Variants in ELF1 observed in about 807,000 individuals in gnomAD.
ELF1 encodes ETS-related transcription factor Elf-1.
ELF1 carries 24 observed loss-of-function variants against 59.9 expected under a neutral mutation model. The ratio of observed to expected loss-of-function variants is 0.40; its 90% CI spans 0.29 to 0.56. The LOEUF is 0.56. Among genes scored for constraint, ELF1 ranks in the 20% least tolerant of loss-of-function variants. The pLI is 0.44. For missense variants in ELF1, 627 were observed against 742.2 expected, an observed-to-expected ratio of 0.84 and a Z score of 1.80; for synonymous variants, 248 against 266.2, an observed-to-expected ratio of 0.93 and a Z score of 0.67.
At chr13:40,935,557 G>A (rs1193346160) in intron 8 of ELF1, among the ~76,000 whole-genome samples, 3 of 152,144 alleles carry the variant, frequency 2.0e-5, no homozygotes, top group Non-Finnish European at 4.4e-5. Flanking sequence ...GCCCATTCAC[G>A]CAGGATACAG....
intron 3 of ELF1, among the ~76,000 whole-genome samples, chr13:40,958,045 G>A (rs976848530): frequency 5.3e-5 from 8 of 152,206 alleles, no homozygotes; most frequent in South Asian, 2.1e-4. Context: ...TTTCTTTTAC[G>A]AATAAAGATG....
chr13:41,009,557 G>A (rs976783618), intron 1 of ELF1, among the ~76,000 whole-genome samples: 4 of 152,146 alleles, frequency 2.6e-5, no homozygotes, highest in African/African-American at 9.7e-5. Flanking sequence ...CTGCCAATAT[G>A]ATGGATAAAA....
chr13:40,944,421 A>G (rs192062942), intron 5 of ELF1, among the ~76,000 whole-genome samples: 215 of 152,346 alleles, frequency 1.4e-3, no homozygotes, highest in South Asian at 6.8e-3. Flanking sequence ...GAAACTTCCC[A>G]AACTCTAGAA....
rs1210294443 is a variant in ELF1, at chr13:41,060,944, C to CGCCGCCGCCGCT, written c.-336_-335insAGCGGCGGCGGC. 9.1e-5 allele frequency: 24 copies of CGCCGCCGCCGCT among 265,086 alleles called. 3 individuals are homozygous for CGCCGCCGCCGCT. Among genetic ancestry groups the CGCCGCCGCCGCT allele is most frequent in the African/African-American group, 1.4e-4 (6 of 43,238 alleles). 16.4% of individuals were successfully genotyped at this position (265,086 alleles called of 1,614,324 possible). The stretch of plus-strand genomic sequence containing the variant: ...CCGCCGCCGCCGCCGCCGCCGCCGC[C>CGCCGCCGCCGCT]GCTGCTGCTGCCCACACGCTCCCGA... On this transcript the variant is annotated 5_prime_UTR_variant, in exon 1 of 2. Coordinates refer to the ELF1 transcript ENST00000405737.
At chr13:41,006,584 C>A (rs1262657991) in intron 1 of ELF1, among the ~76,000 whole-genome samples, 2 of 152,100 alleles carry the variant, frequency 1.3e-5, no homozygotes, top group African/African-American at 2.4e-5. Flanking sequence ...TTACATCTTC[C>A]TTTCAGTTTA....
Position 40,985,762 on chromosome 13 carries a change from T to C in ELF1, c.-228-3480A>G, listed in dbSNP as rs1873518797. ...GCACTCGGATTAGAAAAAAGGCTTC[T>C]GTTCTAACCTAACAAATTGAAAGGT... On this transcript the variant is annotated intron_variant, in intron 1 of 8. Transcript: ENST00000239882. Among the ~76,000 whole-genome samples the C allele has an allele frequency of 2.0e-5, 3 of 152,232 alleles. No homozygotes were observed. In the South Asian group the frequency reaches 6.2e-4, roughly 31 times the overall value.
At chr13:40,944,878 TA>T (rs397705498) in intron 5 of ELF1, among the ~76,000 whole-genome samples, 39 of 144,886 alleles carry the variant, frequency 2.7e-4, no homozygotes, top group East Asian at 8.0e-4. Flanking sequence ...ATTTTACAGC[TA>T]AAAAAAAAAA....
chr13:40,944,051 C>T, intron 5 of ELF1, 126 bp from the exon 6 acceptor site: 1 of 779,774 alleles, frequency 1.3e-6, no homozygotes, highest in South Asian at 1.9e-5. Context: ...GTCACATATA[C>T]AGGTCTCTTA....
chr13:41,046,208 A>G (rs1876837382), intron 1 of ELF1, among the ~76,000 whole-genome samples: 1 of 152,204 alleles, frequency 6.6e-6, no homozygotes, highest in Non-Finnish European at 1.5e-5. Context: ...TCCTGAATAC[A>G]GCACACTGAT....
intron 4 of ELF1, among the ~76,000 whole-genome samples, chr13:40,950,516 C>T (rs1870787364): frequency 6.6e-6 from 1 of 151,894 alleles, no homozygotes. Flanking sequence ...AGATCTGTGT[C>T]TTGTATCTTT....
At chr13:40,941,871 C>A (rs1289597340) in intron 7 of ELF1, among the ~76,000 whole-genome samples, 1 of 152,080 alleles carries the variant, frequency 6.6e-6, no homozygotes. Context: ...GTTGCCCAGG[C>A]TGATCTGGAA....
intron 1 of ELF1, among the ~76,000 whole-genome samples, chr13:41,051,695 C>T (rs1387063652): frequency 6.6e-6 from 1 of 151,878 alleles, no homozygotes; most frequent in Non-Finnish European, 1.5e-5. Flanking sequence ...TAAAGATTTA[C>T]GACAATCTAG....
intron 1 of ELF1, among the ~76,000 whole-genome samples, chr13:41,042,719 T>C (rs959892643): frequency 2.6e-5 from 4 of 152,224 alleles, no homozygotes; most frequent in Admixed American, 6.5e-5. Flanking sequence ...TGATGGACAT[T>C]TGGCTTGGTT....
intron 3 of ELF1, among the ~76,000 whole-genome samples, chr13:40,954,219 T>C (rs1871048643): frequency 6.6e-6 from 1 of 152,132 alleles, no homozygotes; most frequent in Non-Finnish European, 1.5e-5. Flanking sequence ...TGTGAATACA[T>C]GCAAAAAATG....
chr13:40,958,724 T>C, intron 3 of ELF1, 112 bp downstream of exon 3: 1 of 1,388,268 alleles, frequency 7.2e-7, no homozygotes. Context: ...TTTCTGAAGG[T>C]AATACAGTTT....
intron 8 of ELF1, 29 bp downstream of exon 8, chr13:40,940,892 G>A (rs766568180): frequency 1.3e-6 from 2 of 1,576,816 alleles, no homozygotes; most frequent in South Asian, 1.2e-5. Flanking sequence ...ATATTGAAGT[G>A]ATAAGCATCA....
At chr13:41,029,507 G>C (rs191059660) in intron 1 of ELF1, among the ~76,000 whole-genome samples, 1 of 151,876 alleles carries the variant, frequency 6.6e-6, no homozygotes, top group East Asian at 1.9e-4. Flanking sequence ...TCAGCCTCCC[G>C]AGTAGCTGGG....
chr13:41,044,813 T>C (rs1272264239), intron 1 of ELF1, among the ~76,000 whole-genome samples: 1 of 152,208 alleles, frequency 6.6e-6, no homozygotes, highest in Non-Finnish European at 1.5e-5. Flanking sequence ...CCTCATAAAA[T>C]GAGTTAGGGA....
chr13:40,974,525 TAAGAA>T (rs1390476753), intron 2 of ELF1, among the ~76,000 whole-genome samples: 1 of 152,200 alleles, frequency 6.6e-6, no homozygotes, highest in Non-Finnish European at 1.5e-5. Context: ...AGGATTGTTG[TAAGAA>T]TTAAATAGGA....
Sources: gnomAD v4.1 joint callset for allele counts (sites outside exome capture counted in the v4.1 genomes callset) on GRCh38, gnomAD v4.1.1 for gene constraint, MANE v1.5 for transcripts, NCBI Gene and HGNC (gene_info 2026-07-23, HGNC 2026-07-21) for gene names.